The following PKHD1 variants were observed in gnomAD, a reference collection of about 807,000 sequenced individuals.
The protein encoded by PKHD1 is PKHD1 ciliary IPT domain containing fibrocystin/polyductin, also known as fibrocystin.
Under a neutral mutation model 412.0 loss-of-function variants are expected in PKHD1, and 291 were observed. The observed-to-expected ratio is 0.71, with a 90% CI of 0.64 to 0.78. The LOEUF (loss-of-function observed/expected upper bound fraction) is 0.78, where lower values mean the gene tolerates loss of function less well. PKHD1 is among the 30% of genes least tolerant of loss of function. PKHD1 has a pLI of 0.00. For missense variants in PKHD1, 4,825 were observed against 4,950.7 expected (o/e 0.97, Z 0.76); for synonymous variants, 1,777 against 1,821.5 (o/e 0.98, Z 0.62).
intron 60 of PKHD1, among the ~76,000 whole-genome samples, chr6:51,670,305 C>T (rs567707695): frequency 2.0e-4 from 31 of 152,248 alleles, no homozygotes; most frequent in African/African-American, 7.0e-4. Flanking sequence ...TATGTAATGG[C>T]CTTCTTCGTC....
intron 60 of PKHD1, among the ~76,000 whole-genome samples, chr6:51,687,805 G>C (rs1777635051): frequency 6.6e-6 from 1 of 152,214 alleles, no homozygotes; most frequent in Admixed American, 6.5e-5. Flanking sequence ...TTCTCAAATA[G>C]AGGATGAATT....
rs544785197 is a variant in PKHD1, at chr6:51,723,448, C to T, written c.10156+20937G>A. Among the ~76,000 whole-genome samples, 4 of 152,130 alleles carry T rather than the reference C, an allele frequency of 2.6e-5. No individual in the cohort carries two copies. The East Asian group carries it at 7.7e-4, about 29-fold the overall frequency. Reference sequence around the variant, plus strand: ...GTAGGGAATCTGGCCTTTCTAATTACCTGGGTACTGTCACACAGATCAATG... The same window carrying T: ...GTAGGGAATCTGGCCTTTCTAATTATCTGGGTACTGTCACACAGATCAATG... On this transcript the variant is annotated intron_variant, in intron 60 of 66. Coordinates refer to ENST00000371117, the MANE Select transcript of PKHD1 (RefSeq NM_138694.4).
At chr6:51,998,553 C>G (rs1015474622) in intron 35 of PKHD1, among the ~76,000 whole-genome samples, 2 of 152,122 alleles carry the variant, frequency 1.3e-5, no homozygotes, top group Non-Finnish European at 1.5e-5. Context: ...AAAGGGAGAA[C>G]CTGAGAAGAC....
At chr6:51,960,503 T>G (rs898711421) in intron 35 of PKHD1, among the ~76,000 whole-genome samples, 3 of 152,144 alleles carry the variant, frequency 2.0e-5, no homozygotes, top group Non-Finnish European at 4.4e-5. Flanking sequence ...GGGTGGCATT[T>G]TGCTTTATGT....
Position 52,043,131 on chromosome 6 carries a change from C to T in PKHD1, c.2825G>A (p.Gly942Asp). ...CVHSVWYSIDGDINLMIYITG... is the reference protein window; with the variant it reads ...CVHSVWYSIDDDINLMIYITG... Reference sequence around the variant, plus strand: ...AATGTAAATCATTAGGTTGATGTCACCATCTTAAAGGAGAAAAGAAATTAA... The same window carrying T: ...AATGTAAATCATTAGGTTGATGTCATCATCTTAAAGGAGAAAAGAAATTAA... Residue 942 changes from glycine (G) to aspartate (D), a missense_variant, in exon 27 of 67, where the codon GGT becomes GAT. By Grantham distance (94) the Gly-to-Asp change is moderately conservative. Coordinates refer to ENST00000371117, the MANE Select transcript of PKHD1 (RefSeq NM_138694.4). 6.2e-7 allele frequency: 1 copy of T among 1,610,614 alleles called. No individual in the cohort carries two copies.
intron 50 of PKHD1, among the ~76,000 whole-genome samples, chr6:51,840,781 C>T (rs1030989006): frequency 1.3e-5 from 2 of 152,208 alleles, no homozygotes; most frequent in Admixed American, 1.3e-4. Flanking sequence ...GGAAAAGATC[C>T]TTACTTCACA....
At chr6:51,935,343 ATCTT>A (rs1352857614) in intron 36 of PKHD1, among the ~76,000 whole-genome samples, 3 of 152,204 alleles carry the variant, frequency 2.0e-5, no homozygotes, top group African/African-American at 7.2e-5. Flanking sequence ...TTTTTATAAT[ATCTT>A]TCTTTAAAAG....
At chr6:52,016,629 C>G in intron 34 of PKHD1, among the ~76,000 whole-genome samples, 1 of 106,426 alleles carries the variant, frequency 9.4e-6, no homozygotes, top group East Asian at 2.8e-4. Context: ...GAACAAGACT[C>G]TGTCTCAAAA....
At chr6:51,649,378 G>T (rs191210394) in intron 61 of PKHD1, among the ~76,000 whole-genome samples, 158 bp from the exon 62 acceptor site, 2 of 152,076 alleles carry the variant, frequency 1.3e-5, no homozygotes, top group East Asian at 3.8e-4. Flanking sequence ...TTATAGCAAA[G>T]GTTAATTGTG....
rs374106769 is a variant in PKHD1 at position 52,035,682 on chromosome 6, C to G, written c.3137G>C (p.Gly1046Ala). 3.2e-5 allele frequency: 52 copies of G among 1,613,828 alleles called. No homozygotes were observed. The highest frequency in any genetic ancestry group is 4.2e-5 in the Non-Finnish European group (49 of 1,179,890). ...WATIRGSSLE[G>A]VSLILFGSYS... ...AGATCCAAATAATATCAGGCTAACA[C>G]CTTCCAAACTAGAGCCTCGGATGGT... The change falls in exon 28 of 67, where the codon GGT becomes GCT. Residue 1046 changes from glycine (G) to alanine (A), a missense_variant. By Grantham distance (60) the Gly-to-Ala change is moderately conservative. Transcript: ENST00000371117.
intron 60 of PKHD1, among the ~76,000 whole-genome samples, chr6:51,741,508 G>C (rs556125875): frequency 6.6e-6 from 1 of 152,180 alleles, no homozygotes; most frequent in Non-Finnish European, 1.5e-5. Flanking sequence ...ATCCCCCAAA[G>C]TCCTGACAGA....
At chr6:51,821,737 C>T (rs949516489) in intron 52 of PKHD1, among the ~76,000 whole-genome samples, 31 of 152,264 alleles carry the variant, frequency 2.0e-4, no homozygotes, top group African/African-American at 6.7e-4. Context: ...TTTTTTGAGA[C>T]GGAGTCTCGC....
At chr6:51,675,481 T>A (rs1218768678) in intron 60 of PKHD1, among the ~76,000 whole-genome samples, 2 of 152,206 alleles carry the variant, frequency 1.3e-5, no homozygotes, top group African/African-American at 4.8e-5. Context: ...TTGGTAATCA[T>A]AATGTCATTT....
Position 51,923,300 on chromosome 6 carries a change from A to G in PKHD1, c.6122-10724T>C, listed in dbSNP as rs141522901. ...CTTTTTCTGTAAAAAGAACAGGGAG[A>G]TAATAAAGAGTTTGGGGTTTGCAGA... On this transcript the variant is annotated intron_variant, in intron 37 of 66. Coordinates refer to ENST00000371117, the MANE Select transcript of PKHD1 (RefSeq NM_138694.4). Among the ~76,000 whole-genome samples the G allele has an allele frequency of 2.6e-3, 403 of 152,342 alleles. 4 individuals are homozygous for G. The highest frequency in any genetic ancestry group is 9.3e-3 in the African/African-American group (385 of 41,576).
At chr6:51,697,618 A>G (rs1355985436) in intron 60 of PKHD1, among the ~76,000 whole-genome samples, 1 of 152,190 alleles carries the variant, frequency 6.6e-6, no homozygotes, top group African/African-American at 2.4e-5. Context: ...GCAACTGAAA[A>G]TATCTGCAGA....
intron 43 of PKHD1, 138 bp from the exon 44 acceptor site, chr6:51,887,383 A>C (rs887580257): frequency 2.9e-6 from 2 of 691,358 alleles, no homozygotes; most frequent in African/African-American, 3.6e-5. Flanking sequence ...TTATAGACTC[A>C]TTTATTCTTT....
chr6:51,744,442 G>C lies in PKHD1; in HGVS notation c.10099C>G (p.Pro3367Ala), dbSNP rs1784944850. 3.1e-6 allele frequency: 5 copies of C among 1,613,708 alleles called. No individual in the cohort carries two copies. The highest frequency in any genetic ancestry group is 4.2e-6 in the Non-Finnish European group (5 of 1,179,630). The change falls in exon 60 of 67, where the codon CCA becomes GCA. Residue 3367 changes from proline (P) to alanine (A), a missense_variant. Transcript: ENST00000371117. ...TCTGTTTTAGGAAATACAGAAACTGGTGGAGGCAGACCCAGGGCTCTCCCA... is the reference window on the plus strand; with the variant it reads ...TCTGTTTTAGGAAATACAGAAACTGCTGGAGGCAGACCCAGGGCTCTCCCA... ...LDGRALGLPP[P>A]VSVFPKTEAE...
chr6:51,895,834 G>T (rs1222718988), intron 43 of PKHD1, among the ~76,000 whole-genome samples: 2 of 152,106 alleles, frequency 1.3e-5, no homozygotes, highest in African/African-American at 4.8e-5. Context: ...CCGAAGCAGG[G>T]TGAGGCATTG....
chr6:51,815,156 A>C (rs868684096), intron 52 of PKHD1, among the ~76,000 whole-genome samples: 1 of 152,350 alleles, frequency 6.6e-6, no homozygotes, highest in Middle Eastern at 3.4e-3. Flanking sequence ...GGGACTGACT[A>C]GTCAGTGACT....
Sources: gnomAD v4.1 joint callset for allele counts (sites outside exome capture counted in the v4.1 genomes callset) on GRCh38, gnomAD v4.1.1 for gene constraint, MANE v1.5 for transcripts, NCBI Gene and HGNC (gene_info 2026-07-23, HGNC 2026-07-21) for gene names.